The following TASOR2 variants were observed in gnomAD, a reference collection of about 807,000 sequenced individuals.
The protein encoded by TASOR2 is transcription activation suppressor family member 2.
A neutral mutation model predicts 199.5 loss-of-function variants in TASOR2; 84 were observed. The observed-to-expected ratio is 0.42, with a 90% CI of 0.35 to 0.50. The LOEUF is 0.50. Among genes scored for constraint, TASOR2 ranks in the 20% least tolerant of loss-of-function variants. The pLI is 0.02. For synonymous variants in TASOR2, 1,103 were observed against 1,046.6 expected (o/e 1.05, Z -1.04); for missense variants, 2,796 against 2,835.9 (o/e 0.99, Z 0.32).
intron 1 of TASOR2, among the ~76,000 whole-genome samples, chr10:5,711,213 T>G (rs1831864911): frequency 6.6e-6 from 1 of 152,148 alleles, no homozygotes; most frequent in Non-Finnish European, 1.5e-5. Context: ...GCCTTGATAA[T>G]TAAAGTATTA....
intron 2 of TASOR2, among the ~76,000 whole-genome samples, chr10:5,715,319 A>C (rs1290694795): frequency 6.6e-6 from 1 of 151,872 alleles, no homozygotes; most frequent in Non-Finnish European, 1.5e-5. Flanking sequence ...GGTAACCATC[A>C]TAACAGTCAA....
At chr10:5,717,728 T>C (rs1020489444) in exon 3 of TASOR2, 4 of 1,218,536 alleles carry the variant, frequency 3.3e-6, no homozygotes, top group Admixed American at 4.2e-5. Flanking sequence ...TCTGGTTATG[T>C]TGTAATTTTT....
chr10:5,761,052 T>C (rs948161846), intron 18 of TASOR2: 7 of 377,748 alleles, frequency 1.9e-5, no homozygotes, highest in South Asian at 5.2e-5. Flanking sequence ...CATGGCTTGA[T>C]TGGTCGTAGG....
At chr10:5,732,552 TGTTTGGA>T (rs1834971706) in intron 11 of TASOR2, among the ~76,000 whole-genome samples, 1 of 152,224 alleles carries the variant, frequency 6.6e-6, no homozygotes, top group Admixed American at 6.5e-5. Context: ...GAGTTTTTTT[TGTTTGGA>T]GTTTTCTGTT....
chr10:5,763,146 C>CA, exon 21 of TASOR2: 1 of 970,360 alleles, frequency 1.0e-6, no homozygotes, highest in Non-Finnish European at 1.5e-6. Flanking sequence ...TTTGAAAAAC[C>CA]AATGTTCTAC....
chr10:5,731,775 C>T (rs1363235384), intron 11 of TASOR2, among the ~76,000 whole-genome samples: 1 of 152,208 alleles, frequency 6.6e-6, no homozygotes, highest in Non-Finnish European at 1.5e-5. Flanking sequence ...ACCACCCACA[C>T]GTGTATGTTC....
Position 5,737,282 on chromosome 10 carries a change from G to GT in TASOR2, c.1447+1743dup, listed in dbSNP as rs1326419148. Among the ~76,000 whole-genome samples, 8 of 150,776 alleles carry GT rather than the reference G, an allele frequency of 5.3e-5. No homozygotes were observed. The highest frequency in any genetic ancestry group is 2.1e-4 in the South Asian group (1 of 4,750). On this transcript the variant is annotated intron_variant, in intron 12 of 20. Coordinates refer to ENST00000328090, the Ensembl canonical transcript of TASOR2. This position sits in a 1 kb window ranked among gnomAD's most constrained non-coding sequence, Gnocchi z 4.9. ...CGCCCAGCCAGGTTTGTTTTTTTTA[G>GT]TTTTTTTGTTTTTTTTTTCAACTTA...
Position 5,750,370 on chromosome 10 carries a change from G to T in TASOR2, c.6606+343G>T, listed in dbSNP as rs1479898248. 6.6e-6 allele frequency among the ~76,000 whole-genome samples: 1 copy of T among 152,218 alleles called. No individual in the cohort carries two copies. Among genetic ancestry groups the T allele is most frequent in the Non-Finnish European group, 1.5e-5 (1 of 68,046 alleles). The stretch of plus-strand genomic sequence containing the variant: ...GTGGTTGTAGATTGTCCGTTAGTGT[G>T]GGTGGTCAAGTAGGACCTCTTTTGG... On this transcript the variant is annotated intron_variant, in intron 15 of 20. Transcript: ENST00000328090. The surrounding 1 kb of genome is among the most constrained non-coding windows in gnomAD (Gnocchi z 5.4).
chr10:5,700,441 A>G (rs986925037), intron 1 of TASOR2, among the ~76,000 whole-genome samples: 6 of 152,078 alleles, frequency 3.9e-5, no homozygotes, highest in Admixed American at 3.3e-4. Flanking sequence ...TCTTTTGGAT[A>G]TATACCCAGT....
chr10:5,699,720 TA>T lies in TASOR2; in HGVS notation c.-287-13102del. ...GACACCATGGCAAAGATCATAAAAG[TA>T]GAAATGAAATTTTATGGTAAGTATA... On this transcript the variant is annotated intron_variant, in intron 1 of 20. Coordinates refer to ENST00000328090, the Ensembl canonical transcript of TASOR2. This position sits in a 1 kb window ranked among gnomAD's most constrained non-coding sequence, Gnocchi z 4.1. 4 of 736,744 alleles carry T rather than the reference TA, an allele frequency of 5.4e-6. 1 individual carries two copies. The highest frequency in any genetic ancestry group is 1.2e-4 in the South Asian group (2 of 16,108). The allele number at this position is 736,744 out of a possible 1,614,324, so 45.6% of individuals were successfully genotyped here.
At position 5,752,917 on chromosome 10, in the gene TASOR2, C is replaced by G. The variant is rs1838283501; in HGVS notation, c.6606+2890C>G. On this transcript the variant is annotated intron_variant, in intron 15 of 20. Coordinates refer to ENST00000328090, the Ensembl canonical transcript of TASOR2. This position sits in a 1 kb window ranked among gnomAD's most constrained non-coding sequence, Gnocchi z 4.4. ...CACACTGAGCTATTTAGACTTCATC[C>G]TGAGGTCGCTGGGAGCCACTGGAAA... is the stretch of plus-strand genomic sequence containing the variant. Among the ~76,000 whole-genome samples, 1 of 152,174 alleles carries G rather than the reference C, an allele frequency of 6.6e-6. No individual in the cohort carries two copies. Among genetic ancestry groups the G allele is most frequent in the Non-Finnish European group, 1.5e-5 (1 of 68,034 alleles).
In TASOR2 at chr10:5,698,677, A is replaced by G. The variant is rs1837440867; in HGVS notation, c.-288+13502A>G. On this transcript the variant is annotated intron_variant, in intron 1 of 20. Transcript: ENST00000328090. The surrounding 1 kb of genome is among the most constrained non-coding windows in gnomAD (Gnocchi z 4.4). Reference sequence around the variant, plus strand: ...CAGAGACCGTGTGGTTCATAATCCTAAAGTATTTATTTTCTGACCCTTTAT... The same window carrying G: ...CAGAGACCGTGTGGTTCATAATCCTGAAGTATTTATTTTCTGACCCTTTAT... 1.3e-5 allele frequency among the ~76,000 whole-genome samples: 2 copies of G among 152,180 alleles called. No homozygotes were observed. Among genetic ancestry groups the G allele is most frequent in the Admixed American group, 1.3e-4 (2 of 15,274 alleles).
chr10:5,686,179 T>C (rs976007231), intron 1 of TASOR2, among the ~76,000 whole-genome samples: 1 of 152,162 alleles, frequency 6.6e-6, no homozygotes, highest in Non-Finnish European at 1.5e-5. Flanking sequence ...TGACAAAAGG[T>C]CCACAATTAT....
At chr10:5,726,739 A>G in intron 8 of TASOR2, 146 bp from the exon 10 acceptor site, 1 of 657,830 alleles carries the variant, frequency 1.5e-6, no homozygotes, top group Admixed American at 2.9e-5. Flanking sequence ...AGTTTCTGAT[A>G]CTGGGGACAG....
In TASOR2 at chr10:5,756,681, G is replaced by C. The variant is rs377533232; in HGVS notation, c.6675G>C (p.Glu2225Asp). The change falls in exon 16 of 21, where the codon GAG becomes GAC. Residue 2225 changes from glutamate (E) to aspartate (D), a missense_variant. Glu to Asp is a conservative substitution (Grantham distance 45, BLOSUM62 2). Around this residue, in one of 3 missense-constraint regions of TASOR2, gnomAD observed 1,941 missense variants for 1,924.9 expected, o/e 1.01. Transcript: ENST00000328090. The stretch of plus-strand genomic sequence containing the variant: ...ACTTCTGTCAAGCTTTCCACAGAGA[G>C]AATGATACACTAATCATCATCATCA... 3.1e-6 allele frequency: 5 copies of C among 1,613,548 alleles called. No homozygotes were observed. The South Asian group carries it at 4.4e-5, about 14-fold the overall frequency.
At chr10:5,756,807 A>T in intron 16 of TASOR2, 69 bp downstream of exon 17, 1 of 1,509,686 alleles carries the variant, frequency 6.6e-7, no homozygotes. Context: ...GCTCAGACTC[A>T]TCCCTCTTTT....
exon 20 of TASOR2, chr10:5,762,586 A>G (rs766131914): frequency 6.8e-7 from 1 of 1,473,134 alleles, no homozygotes; most frequent in South Asian, 1.2e-5. Context: ...CTTGTTACAG[A>G]TGTAAATAAC....
intron 1 of TASOR2, among the ~76,000 whole-genome samples, chr10:5,702,168 A>G (rs1837947860): frequency 1.3e-5 from 2 of 152,186 alleles, no homozygotes; most frequent in South Asian, 2.1e-4. Context: ...TTAAAATCAT[A>G]AACAGATGTT....
At chr10:5,745,267 A>G (rs17143154) in intron 14 of TASOR2, among the ~76,000 whole-genome samples, 4,145 of 81,478 alleles carry the variant, frequency 0.051, 74 homozygotes, top group South Asian at 0.07. Flanking sequence ...AAAGTTTTCA[A>G]TTGCCATGTA....
Sources: gnomAD v4.1 joint callset for allele counts (sites outside exome capture counted in the v4.1 genomes callset) on GRCh38, gnomAD v4.1.1 for gene constraint, gnomAD v4.1.1 regional missense constraint, Gnocchi (gnomAD v3.1) non-coding constraint, MANE v1.5 for transcripts, NCBI Gene and HGNC (gene_info 2026-07-23, HGNC 2026-07-21) for gene names.